AGFG1: variants seen among roughly 807,000 people sequenced by gnomAD.
The protein encoded by AGFG1 is arf-GAP domain and FG repeat-containing protein 1.
Under a neutral mutation model 60.6 loss-of-function variants are expected in AGFG1, and 10 were observed. The ratio of observed to expected loss-of-function variants is 0.16; its 90% confidence interval spans 0.10 to 0.28. The LOEUF (loss-of-function observed/expected upper bound fraction) is 0.28, where lower values mean the gene tolerates loss of function less well. Among genes scored for constraint, AGFG1 ranks in the 10% least tolerant of loss-of-function variants. The pLI is 1.00. For missense variants in AGFG1, 537 were observed against 676.5 expected (o/e 0.79, Z 2.29); for synonymous variants, 247 against 242.9 (o/e 1.02, Z -0.16).
At chr2:227,529,634 A>G (rs1023422052) in intron 5 of AGFG1, among the ~76,000 whole-genome samples, 3 of 152,134 alleles carry the variant, frequency 2.0e-5, no homozygotes, top group Non-Finnish European at 4.4e-5. Flanking sequence ...TAGAAATAAA[A>G]TTCACCTACT....
intron 2 of AGFG1, among the ~76,000 whole-genome samples, chr2:227,515,617 A>G (rs1304583222): frequency 6.6e-6 from 1 of 152,134 alleles, no homozygotes; most frequent in Non-Finnish European, 1.5e-5. Flanking sequence ...CTGCTTGATT[A>G]AACCAATATT....
intron 10 of AGFG1, among the ~76,000 whole-genome samples, chr2:227,545,602 T>G (rs1172509928): frequency 2.0e-5 from 3 of 152,254 alleles, no homozygotes; most frequent in Non-Finnish European, 4.4e-5. Flanking sequence ...TGTGGTTTTA[T>G]CTACCTTTGG....
At chr2:227,496,128 A>AG (rs1286858662) in intron 2 of AGFG1, among the ~76,000 whole-genome samples, 6 of 145,354 alleles carry the variant, frequency 4.1e-5, no homozygotes, top group East Asian at 2.0e-4. Flanking sequence ...AAAAAAAGAA[A>AG]AAAAAAGAAG....
chr2:227,536,653 G>A lies in AGFG1; in HGVS notation c.1234G>A (p.Ala412Thr). 1.2e-6 allele frequency: 2 copies of A among 1,613,504 alleles called. No individual in the cohort carries two copies. Among genetic ancestry groups the A allele is most frequent in the East Asian group, 2.2e-5 (1 of 44,848 alleles). ...TGTTTTTGGAACAGTGCCAGTGGTT[G>A]CTTCTGCACAGACACAGCCTGCTTC... ...SNVFGTVPVVASAQTQPASSS... is the reference protein window; with the variant it reads ...SNVFGTVPVVTSAQTQPASSS... The change falls in exon 9 of 13, where the codon GCT (alanine) becomes ACT (threonine). Residue 412 changes from alanine to threonine, a missense_variant. By Grantham distance (58) the Ala-to-Thr change is moderately conservative (BLOSUM62 0). Around this residue, in one of 4 missense-constraint regions of AGFG1, gnomAD observed 287 missense variants for 343.6 expected, o/e 0.84. Coordinates refer to ENST00000310078, the MANE Select transcript of AGFG1 (RefSeq NM_004504.5).
intron 2 of AGFG1, among the ~76,000 whole-genome samples, chr2:227,504,471 G>A (rs1466346225): frequency 6.6e-6 from 1 of 152,206 alleles, no homozygotes; most frequent in African/African-American, 2.4e-5. Flanking sequence ...GGGGTTATGG[G>A]CTTGAGCCAC....
intron 10 of AGFG1, among the ~76,000 whole-genome samples, chr2:227,545,634 A>C (rs1438628511): frequency 6.6e-6 from 1 of 152,208 alleles, no homozygotes; most frequent in Non-Finnish European, 1.5e-5. Context: ...GGTGACCTAC[A>C]GATGGGGTTT....
intron 10 of AGFG1, among the ~76,000 whole-genome samples, chr2:227,547,725 C>G (rs546179509): frequency 4.6e-5 from 7 of 152,146 alleles, no homozygotes; most frequent in Non-Finnish European, 7.4e-5. Flanking sequence ...AAATAGAAAC[C>G]TCGTATATTG....
intron 2 of AGFG1, among the ~76,000 whole-genome samples, chr2:227,494,537 C>G (rs1464379883): frequency 1.3e-5 from 2 of 152,092 alleles, no homozygotes; most frequent in African/African-American, 4.8e-5. Flanking sequence ...TCTTTGATCC[C>G]CACCAGGGAG....
intron 2 of AGFG1, among the ~76,000 whole-genome samples, chr2:227,507,566 G>A (rs919698240): frequency 8.4e-6 from 1 of 119,294 alleles, no homozygotes; most frequent in African/African-American, 3.2e-5. Flanking sequence ...TGGCGCCACT[G>A]CACTGCAGCC....
chr2:227,501,773 G>A (rs1385013519), intron 2 of AGFG1, among the ~76,000 whole-genome samples: 2 of 151,944 alleles, frequency 1.3e-5, no homozygotes, highest in African/African-American at 4.8e-5. Flanking sequence ...TAGTAGAGAC[G>A]GAGTCTACTT....
chr2:227,535,071 T>C (rs773478338), intron 8 of AGFG1, 46 bp downstream of exon 8: 1 of 1,421,254 alleles, frequency 7.0e-7, no homozygotes, highest in East Asian at 2.6e-5. Flanking sequence ...TTATCTTTTT[T>C]TTCCAACTTT....
intron 2 of AGFG1, among the ~76,000 whole-genome samples, chr2:227,498,081 A>G (rs1254862885): frequency 6.6e-6 from 1 of 152,006 alleles, no homozygotes; most frequent in East Asian, 1.9e-4. Context: ...ATATAGGAAA[A>G]CATTTTGAAA....
intron 1 of AGFG1, among the ~76,000 whole-genome samples, chr2:227,474,862 A>G (rs369344326): frequency 1.3e-5 from 2 of 152,326 alleles, no homozygotes; most frequent in South Asian, 2.1e-4. Flanking sequence ...ATGTCACTCA[A>G]TCTATTTGAG....
intron 2 of AGFG1, among the ~76,000 whole-genome samples, chr2:227,500,982 C>T (rs1050100936): frequency 6.6e-6 from 1 of 151,766 alleles, no homozygotes; most frequent in Non-Finnish European, 1.5e-5. Flanking sequence ...TTAGTAGAGA[C>T]GAGGGTTCAT....
At chr2:227,554,392 A>T (rs1209539347) in intron 12 of AGFG1, 44 bp from the exon 13 acceptor site, 2 of 1,489,360 alleles carry the variant, frequency 1.3e-6, no homozygotes, top group African/African-American at 2.8e-5. Flanking sequence ...TTGTACATGC[A>T]CTACTTTTGT....
chr2:227,485,656 T>G (rs1350628468), intron 1 of AGFG1, among the ~76,000 whole-genome samples: 1 of 134,824 alleles, frequency 7.4e-6, no homozygotes, highest in Admixed American at 8.0e-5. Flanking sequence ...ACTTCAGTGT[T>G]ACCTTCCAGT....
chr2:227,491,396 G>GT (rs1319776330), intron 1 of AGFG1, 151 bp from the exon 2 acceptor site: 1 of 479,564 alleles, frequency 2.1e-6, no homozygotes, highest in East Asian at 3.6e-5. Flanking sequence ...AAGTTTAATA[G>GT]TTTAAAATAA....
intron 2 of AGFG1, among the ~76,000 whole-genome samples, chr2:227,501,000 G>A (rs189040641): frequency 1.3e-5 from 2 of 152,040 alleles, no homozygotes; most frequent in African/African-American, 2.4e-5. Flanking sequence ...CATCATATTG[G>A]CCAGGCTGGT....
chr2:227,530,514 T>G (rs973020209), intron 5 of AGFG1, among the ~76,000 whole-genome samples: 3 of 152,180 alleles, frequency 2.0e-5, no homozygotes, highest in Non-Finnish European at 4.4e-5. Context: ...TTAATGAGTT[T>G]AAAATTGCAG....
Sources: allele counts gnomAD v4.1 joint callset (sites outside exome capture counted in the v4.1 genomes callset), GRCh38; gene constraint gnomAD v4.1.1; regional missense constraint gnomAD v4.1.1; transcripts MANE v1.5; gene names NCBI Gene and HGNC (gene_info 2026-07-23, HGNC 2026-07-21).